Variants in ELOVL5 observed in about 807,000 individuals in gnomAD.
ELOVL5 encodes ELOVL fatty acid elongase 5, also known as very long chain fatty acid elongase 5.
A neutral mutation model predicts 38.6 loss-of-function variants in ELOVL5; 8 were observed. The ratio of observed to expected loss-of-function variants is 0.21; its 90% CI spans 0.12 to 0.37. The LOEUF is 0.37. ELOVL5 is among the 10% of genes least tolerant of loss of function. The probability of loss-of-function intolerance (pLI) is 1.00; values close to 1 mark genes in which losing one functional copy is unlikely to be tolerated. For synonymous variants in ELOVL5, 127 were observed against 133.7 expected, an observed-to-expected ratio of 0.95 and a Z score of 0.34; for missense variants, 280 against 367.8, an observed-to-expected ratio of 0.76 and a Z score of 1.95.
chr6:53,313,060 G>A (rs75593816), intron 1 of ELOVL5, among the ~76,000 whole-genome samples: 1 of 152,274 alleles, frequency 6.6e-6, no homozygotes, highest in East Asian at 1.9e-4. Flanking sequence ...AATTAACTTC[G>A]AGGAATCATA....
At chr6:53,272,498 T>A (rs1456905794) in intron 6 of ELOVL5, among the ~76,000 whole-genome samples, 11 of 152,196 alleles carry the variant, frequency 7.2e-5, no homozygotes, top group Admixed American at 5.2e-4. Context: ...GTACTTAGTA[T>A]GAGTACCCAA....
chr6:53,284,631 G>A (rs1766494527), intron 3 of ELOVL5, among the ~76,000 whole-genome samples: 1 of 152,142 alleles, frequency 6.6e-6, no homozygotes, highest in Admixed American at 6.6e-5. Flanking sequence ...TTGCTTTATT[G>A]CACTTTGTAT....
At chr6:53,347,960 C>T (rs1285691469) in intron 1 of ELOVL5, among the ~76,000 whole-genome samples, 1 of 152,000 alleles carries the variant, frequency 6.6e-6, no homozygotes, top group African/African-American at 2.4e-5. Context: ...AGTAAAAAGG[C>T]ACTTTTCCTT....
intron 3 of ELOVL5, chr6:53,287,733 G>T: frequency 1.3e-6 from 1 of 764,630 alleles, no homozygotes; most frequent in Non-Finnish European, 2.2e-6. Context: ...GCTGGGGTTT[G>T]AGTAGAGCTC....
At chr6:53,271,858 C>T (rs1400568698) in intron 6 of ELOVL5, among the ~76,000 whole-genome samples, 3 of 152,120 alleles carry the variant, frequency 2.0e-5, no homozygotes, top group Admixed American at 6.6e-5. Flanking sequence ...TTTAATCTTC[C>T]ACCTCAAAGT....
At position 53,294,596 on chromosome 6, in the gene ELOVL5, AATT is replaced by A. The variant is rs1238540026; in HGVS notation, c.58+1043_58+1045del. The A allele has an allele frequency of 3.8e-5, 53 of 1,382,400 alleles. 1 individual carries two copies. Among genetic ancestry groups the A allele is most frequent in the Non-Finnish European group, 4.5e-5 (48 of 1,055,396 alleles). 85.6% of individuals were successfully genotyped at this position (1,382,400 alleles called of 1,614,324 possible). ...GCTCCACCTGGTAATGCAAGCTAAT[AATT>A]ATTATTATTATTTTAGCCATTTAGA... is the stretch of plus-strand genomic sequence containing the variant. On this transcript the variant is annotated intron_variant, in intron 2 of 7. Coordinates refer to ENST00000304434, the MANE Select transcript of ELOVL5 (RefSeq NM_021814.5).
At chr6:53,323,040 T>C (rs956514836) in intron 1 of ELOVL5, among the ~76,000 whole-genome samples, 1 of 152,218 alleles carries the variant, frequency 6.6e-6, no homozygotes, top group Non-Finnish European at 1.5e-5. Flanking sequence ...TTTAATTTAA[T>C]CTTCTCAGTA....
intron 3 of ELOVL5, among the ~76,000 whole-genome samples, chr6:53,284,562 G>A (rs1197301897): frequency 6.6e-6 from 1 of 152,070 alleles, no homozygotes; most frequent in East Asian, 1.9e-4. Context: ...GAGAAAAGAA[G>A]GCCAAAGAAA....
chr6:53,269,367 A>G, intron 7 of ELOVL5, 97 bp from the exon 8 acceptor site: 1 of 585,184 alleles, frequency 1.7e-6, no homozygotes, highest in Non-Finnish European at 2.3e-6. Context: ...GCCTAGTTTC[A>G]AGATCAAATC....
chr6:53,324,245 T>A, intron 1 of ELOVL5, among the ~76,000 whole-genome samples: 1 of 100,386 alleles, frequency 1.0e-5, no homozygotes. Flanking sequence ...AGAACGAGAC[T>A]CTACCTCAAA....
chr6:53,273,147 A>G (rs1351388331), intron 6 of ELOVL5, 73 bp downstream of exon 6: 38 of 1,533,700 alleles, frequency 2.5e-5, no homozygotes, highest in Admixed American at 9.1e-5. Context: ...ATGCTATTAC[A>G]TAACACTAAA....
intron 1 of ELOVL5, among the ~76,000 whole-genome samples, chr6:53,298,714 G>A (rs924505443): frequency 3.3e-5 from 5 of 152,154 alleles, no homozygotes; most frequent in Middle Eastern, 3.4e-3. Context: ...TCTGCTTCTC[G>A]GCAGGGGCAC....
At chr6:53,335,344 TG>T (rs1161132223) in intron 1 of ELOVL5, among the ~76,000 whole-genome samples, 2 of 152,226 alleles carry the variant, frequency 1.3e-5, no homozygotes, top group African/African-American at 4.8e-5. Flanking sequence ...TGTCTCCCTC[TG>T]GCTTCCCTGG....
intron 1 of ELOVL5, among the ~76,000 whole-genome samples, chr6:53,303,760 C>G (rs982638720): frequency 2.6e-5 from 4 of 152,214 alleles, no homozygotes. Context: ...GCCTCCACTT[C>G]CTGCTCCTTG....
chr6:53,348,163 G>T (rs1049272448), intron 1 of ELOVL5, among the ~76,000 whole-genome samples: 2 of 152,230 alleles, frequency 1.3e-5, no homozygotes, highest in South Asian at 4.1e-4. Context: ...GAGTACCAAG[G>T]GCTGCCGTTG....
chr6:53,279,445 G>A (rs1766274304), intron 3 of ELOVL5, among the ~76,000 whole-genome samples: 1 of 152,160 alleles, frequency 6.6e-6, no homozygotes, highest in Non-Finnish European at 1.5e-5. Context: ...TTGCTCACAT[G>A]CTCCCTTTGT....
intron 1 of ELOVL5, among the ~76,000 whole-genome samples, chr6:53,314,602 G>C (rs1437258532): frequency 6.6e-6 from 1 of 152,100 alleles, no homozygotes; most frequent in Admixed American, 6.6e-5. Flanking sequence ...CAGAGAACCT[G>C]GTCCTTTCCC....
chr6:53,285,200 G>A (rs1370010207), intron 3 of ELOVL5, among the ~76,000 whole-genome samples: 1 of 152,168 alleles, frequency 6.6e-6, no homozygotes, highest in Admixed American at 6.5e-5. Flanking sequence ...CAAAGGAAAA[G>A]TTACTGAAGG....
chr6:53,296,742 T>A (rs1002493423), intron 1 of ELOVL5, among the ~76,000 whole-genome samples: 73 of 152,324 alleles, frequency 4.8e-4, no homozygotes, highest in African/African-American at 1.8e-3. Flanking sequence ...GGGTAGCTAA[T>A]CAACTTTTCA....
Sources: allele counts gnomAD v4.1 joint callset (sites outside exome capture counted in the v4.1 genomes callset), GRCh38; gene constraint gnomAD v4.1.1; transcripts MANE v1.5; gene names NCBI Gene and HGNC (gene_info 2026-07-23, HGNC 2026-07-21).